DTNB: variants seen among roughly 807,000 people sequenced by gnomAD.
DTNB encodes DTN-B.
DTNB carries 63 observed loss-of-function variants against 90.7 expected under a neutral mutation model. That is an observed-to-expected ratio of 0.69 (90% CI 0.57 to 0.86). DTNB has a LOEUF of 0.86. Ranked by LOEUF, DTNB falls within the 40% of genes least tolerant of loss-of-function variation. DTNB has a pLI of 0.00. For synonymous variants in DTNB, 277 were observed against 286.7 expected (o/e 0.97, Z 0.34); for missense variants, 744 against 807.1 (o/e 0.92, Z 0.95).
intron 8 of DTNB, chr2:25,558,366 G>A: frequency 1.0e-6 from 1 of 985,346 alleles, no homozygotes; most frequent in Non-Finnish European, 1.2e-6. Flanking sequence ...TCCCACACAT[G>A]GAAGCAGAAG....
chr2:25,578,824 T>A (rs888604399), intron 7 of DTNB, among the ~76,000 whole-genome samples: 2 of 152,122 alleles, frequency 1.3e-5, no homozygotes, highest in Non-Finnish European at 2.9e-5. Context: ...TCCTTATGCA[T>A]AGTAATGTCA....
Position 25,538,678 on chromosome 2 carries a change from C to T in DTNB, c.877-7081G>A, listed in dbSNP as rs140163988. On this transcript the variant is annotated intron_variant, in intron 8 of 20. Coordinates refer to ENST00000406818, the MANE Select transcript of DTNB (RefSeq NM_021907.5). ...TGTTGGTCAGGCTGGTCTCAAACTC[C>T]TGACCTCAGTTGAACCACCCACCTC... Among the ~76,000 whole-genome samples the T allele has an allele frequency of 3.4e-3, 516 of 152,234 alleles. 2 individuals are homozygous for T. The highest frequency in any genetic ancestry group is 0.012 in the African/African-American group (489 of 41,536).
Position 25,531,721 on chromosome 2 carries a change from T to C in DTNB, c.877-124A>G, listed in dbSNP as rs146708487. 383 of 1,305,166 alleles carry C rather than the reference T, an allele frequency of 2.9e-4. 1 individual carries two copies. In the African/African-American group the frequency reaches 5.1e-3, roughly 17 times the overall value. 80.8% of individuals were successfully genotyped at this position (1,305,166 alleles called of 1,614,324 possible). A position where few individuals can be genotyped will look rare whatever the true frequency, so the allele number is the denominator to read the frequency against. On this transcript the variant is annotated intron_variant, in intron 8 of 20. Transcript: ENST00000406818. ...TTTTCAAATACAAATCAAGTTTCAT[T>C]ACATCAATATCATTGGGCCTTTCAG...
At chr2:25,559,417 G>C (rs1024189527) in intron 8 of DTNB, among the ~76,000 whole-genome samples, 10 of 152,268 alleles carry the variant, frequency 6.6e-5, no homozygotes, top group Admixed American at 2.6e-4. Context: ...TAGACCTCCA[G>C]GTGGAGGAGA....
intron 6 of DTNB, among the ~76,000 whole-genome samples, chr2:25,583,288 C>T (rs2061843121): frequency 6.8e-6 from 1 of 148,074 alleles, no homozygotes; most frequent in Admixed American, 6.7e-5. Context: ...TATACACACA[C>T]ATACACATGT....
intron 8 of DTNB, among the ~76,000 whole-genome samples, chr2:25,563,753 G>A (rs1277035676): frequency 6.6e-6 from 1 of 152,076 alleles, no homozygotes; most frequent in East Asian, 1.9e-4. Flanking sequence ...TTGAAAAATC[G>A]ACAACAACAA....
chr2:25,599,668 C>T (rs1239129854), intron 5 of DTNB, among the ~76,000 whole-genome samples: 1 of 152,090 alleles, frequency 6.6e-6, no homozygotes, highest in African/African-American at 2.4e-5. Flanking sequence ...GTGGAACTAC[C>T]ATGCAGACAG....
chr2:25,532,837 C>T (rs2078516234), intron 8 of DTNB, among the ~76,000 whole-genome samples: 1 of 152,200 alleles, frequency 6.6e-6, no homozygotes, highest in South Asian at 2.1e-4. Context: ...TCATCAATGC[C>T]ACGTCCCCAA....
chr2:25,388,314 G>T lies in DTNB; in HGVS notation c.1623C>A (p.Gly541=). ...AGCGCACTGGCATGGGCATTGGCCGGCCGCCTCCATGGGTGGGCGATGTAT... is the reference window on the plus strand; with the variant it reads ...AGCGCACTGGCATGGGCATTGGCCGTCCGCCTCCATGGGTGGGCGATGTAT... ...SPHTSPTHGG[G]RPMPMPVRST... Residue 541 remains glycine (G), a synonymous_variant, in exon 17 of 21, where the codon GGC becomes GGA. Transcript: ENST00000406818. 1.2e-6 allele frequency: 2 copies of T among 1,613,194 alleles called. No individual in the cohort carries two copies. Among genetic ancestry groups the T allele is most frequent in the Non-Finnish European group, 1.7e-6 (2 of 1,179,466 alleles).
chr2:25,584,561 A>AC (rs2062054984), intron 6 of DTNB, among the ~76,000 whole-genome samples: 1 of 149,892 alleles, frequency 6.7e-6, no homozygotes, highest in Admixed American at 6.6e-5. Flanking sequence ...TCTCAATTTT[A>AC]CTTTTTTTTT....
chr2:25,479,115 C>T (rs1030357046), intron 10 of DTNB, among the ~76,000 whole-genome samples: 11 of 152,126 alleles, frequency 7.2e-5, no homozygotes, highest in African/African-American at 2.2e-4. Context: ...ACCAACTGAA[C>T]GCACAAAGCA....
At chr2:25,412,445 A>G (rs767390804) in intron 16 of DTNB, among the ~76,000 whole-genome samples, 23 of 152,204 alleles carry the variant, frequency 1.5e-4, no homozygotes, top group Non-Finnish European at 3.1e-4. Context: ...AGTGCCAGGT[A>G]TATTATCCTT....
chr2:25,646,403 C>T (rs760869258), intron 2 of DTNB, among the ~76,000 whole-genome samples: 76 of 151,608 alleles, frequency 5.0e-4, no homozygotes, highest in African/African-American at 6.1e-4. Context: ...ACCAGGGAGG[C>T]GGAGATTGCA....
chr2:25,625,787 GA>G (rs1406956537), intron 4 of DTNB, among the ~76,000 whole-genome samples: 2 of 151,848 alleles, frequency 1.3e-5, no homozygotes, highest in Non-Finnish European at 2.9e-5. Flanking sequence ...GCTATAACCT[GA>G]ATGCCTGTGT....
At chr2:25,513,152 G>A in intron 9 of DTNB, among the ~76,000 whole-genome samples, 1 of 152,228 alleles carries the variant, frequency 6.6e-6, no homozygotes, top group East Asian at 1.9e-4. Context: ...CAAAGGTGCG[G>A]AGAAATATTC....
chr2:25,436,124 C>T (rs1300171313), intron 12 of DTNB, among the ~76,000 whole-genome samples: 15 of 152,184 alleles, frequency 9.9e-5, no homozygotes, highest in Non-Finnish European at 5.9e-5. Context: ...ATCATGAGGT[C>T]AGGAGTTCAA....
At chr2:25,626,036 C>A (rs906097312) in intron 4 of DTNB, among the ~76,000 whole-genome samples, 1 of 152,188 alleles carries the variant, frequency 6.6e-6, no homozygotes, top group Non-Finnish European at 1.5e-5. Flanking sequence ...TCTTGAACTT[C>A]CCAGCCTCCA....
intron 8 of DTNB, chr2:25,558,480 C>G: frequency 1.1e-6 from 1 of 905,080 alleles, no homozygotes; most frequent in Non-Finnish European, 1.3e-6. Context: ...CAGGAAATTG[C>G]TCATTTGAAG....
chr2:25,420,512 A>G (rs778077916), intron 15 of DTNB, among the ~76,000 whole-genome samples: 1,092 of 103,166 alleles, frequency 0.011, 26 homozygotes, highest in African/African-American at 0.03. Context: ...CTATCTATCT[A>G]TCTATCTATC....
Sources: gnomAD v4.1 joint callset for allele counts (sites outside exome capture counted in the v4.1 genomes callset) on GRCh38, gnomAD v4.1.1 for gene constraint, MANE v1.5 for transcripts, NCBI Gene and HGNC (gene_info 2026-07-23, HGNC 2026-07-21) for gene names.